Variants in AKAP13 observed in about 807,000 individuals in gnomAD.
AKAP13 encodes A-kinase anchoring protein 13, also known as A-kinase anchor protein 13.
Under a neutral mutation model 264.5 loss-of-function variants are expected in AKAP13, and 80 were observed. That is an observed-to-expected ratio of 0.30 (90% confidence interval 0.25 to 0.36). AKAP13 has a LOEUF of 0.36. Ranked by LOEUF, AKAP13 falls within the 10% of genes least tolerant of loss-of-function variation. The probability of loss-of-function intolerance (pLI) is 1.00; values close to 1 mark genes in which losing one functional copy is unlikely to be tolerated. For synonymous variants in AKAP13, 1,380 were observed against 1,250.2 expected, an observed-to-expected ratio of 1.10 and a Z score of -2.19; for missense variants, 3,712 against 3,435.2, an observed-to-expected ratio of 1.08 and a Z score of -2.01.
At chr15:85,414,127 G>T (rs766383157) in intron 1 of AKAP13, among the ~76,000 whole-genome samples, 3 of 152,086 alleles carry the variant, frequency 2.0e-5, no homozygotes, top group Non-Finnish European at 4.4e-5. Context: ...ATTTTTCTCC[G>T]ATGTTCATAC....
intron 3 of AKAP13, among the ~76,000 whole-genome samples, chr15:85,528,155 G>A (rs1449913375): frequency 6.6e-6 from 1 of 152,162 alleles, no homozygotes; most frequent in Non-Finnish European, 1.5e-5. Context: ...CATGGGTGCG[G>A]TGCTCCATAT....
chr15:85,655,443 T>G lies in AKAP13; in HGVS notation c.4401T>G (p.Asp1467Glu). Residue 1467 changes from aspartate to glutamate, a missense_variant, in exon 11 of 37, where the codon GAT (aspartate) becomes GAG (glutamate). Asp to Glu is a conservative substitution (Grantham distance 45). Transcript: ENST00000394518. ...PKPEEEHLAC[D>E]ITGSSSSTDD... ...CAGAGGAAGAGCATTTGGCCTGTGATATCACCGGATCCAGTTCATCCACCG... is the reference window on the plus strand; with the variant it reads ...CAGAGGAAGAGCATTTGGCCTGTGAGATCACCGGATCCAGTTCATCCACCG... 1.9e-6 allele frequency: 3 copies of G among 1,614,084 alleles called. No individual in the cohort carries two copies. The highest frequency in any genetic ancestry group is 2.5e-6 in the Non-Finnish European group (3 of 1,179,952).
intron 5 of AKAP13, 141 bp downstream of exon 5, chr15:85,544,096 G>T (rs1467151478): frequency 9.9e-7 from 1 of 1,013,816 alleles, no homozygotes; most frequent in Admixed American, 2.0e-5. Flanking sequence ...TCTGCTGGAG[G>T]TTTGTAAGCT....
At chr15:85,429,465 A>G (rs1470509392) in intron 1 of AKAP13, among the ~76,000 whole-genome samples, 2 of 152,222 alleles carry the variant, frequency 1.3e-5, no homozygotes, top group Non-Finnish European at 2.9e-5. Context: ...GTATTAGTTG[A>G]ATATCTACTA....
At chr15:85,562,992 G>T (rs1281391071) in intron 5 of AKAP13, among the ~76,000 whole-genome samples, 1 of 151,502 alleles carries the variant, frequency 6.6e-6, no homozygotes, top group Non-Finnish European at 1.5e-5. Flanking sequence ...GGGATTACAC[G>T]TGTGAGCCAC....
rs78909664 is a variant in AKAP13 at position 85,429,838 on chromosome 15, T to A, written c.-12+49040T>A. 6.4e-3 allele frequency among the ~76,000 whole-genome samples: 971 copies of A among 152,344 alleles called. 10 individuals carry two copies. Among genetic ancestry groups the A allele is most frequent in the African/African-American group, 0.022 (920 of 41,580 alleles). ...ATTTATGCTATCAAGGATAATCTTT[T>A]ATTTCTTTAGTTCTCCAAAGCATGT... On this transcript the variant is annotated intron_variant, in intron 1 of 36. Transcript: ENST00000394518.
chr15:85,390,348 C>CCT (rs1263834851), intron 1 of AKAP13, among the ~76,000 whole-genome samples: 3 of 151,970 alleles, frequency 2.0e-5, no homozygotes, highest in Non-Finnish European at 4.4e-5. Context: ...TTTGAACAGA[C>CCT]CTGAAGAAAG....
At chr15:85,593,937 G>C (rs1434501022) in intron 8 of AKAP13, among the ~76,000 whole-genome samples, 1 of 152,150 alleles carries the variant, frequency 6.6e-6, no homozygotes, top group Non-Finnish European at 1.5e-5. Context: ...TTTAGAGGCT[G>C]TTTCCTCATT....
intron 9 of AKAP13, among the ~76,000 whole-genome samples, chr15:85,644,635 G>A (rs376017554): frequency 7.2e-4 from 104 of 144,976 alleles, no homozygotes; most frequent in African/African-American, 2.6e-3. Flanking sequence ...GGATCACATG[G>A]TCAGGAGATG....
intron 17 of AKAP13, among the ~76,000 whole-genome samples, chr15:85,694,038 C>A (rs1177146548): frequency 6.6e-6 from 1 of 152,200 alleles, no homozygotes; most frequent in Admixed American, 6.5e-5. Flanking sequence ...GTTCTATGAT[C>A]TCTAAACCAC....
At chr15:85,643,495 T>C (rs2082406229) in intron 9 of AKAP13, among the ~76,000 whole-genome samples, 1 of 152,220 alleles carries the variant, frequency 6.6e-6, no homozygotes, top group Admixed American at 6.5e-5. Context: ...CTTCCCACTT[T>C]CAACACACAG....
intron 1 of AKAP13, among the ~76,000 whole-genome samples, chr15:85,385,267 A>G (rs982265212): frequency 5.3e-5 from 8 of 152,246 alleles, no homozygotes; most frequent in East Asian, 1.9e-4. Flanking sequence ...AACTTTCTCT[A>G]TTTGTCTCCC....
intron 8 of AKAP13, among the ~76,000 whole-genome samples, chr15:85,633,158 G>C (rs962935522): frequency 6.6e-6 from 1 of 151,978 alleles, no homozygotes; most frequent in Admixed American, 6.6e-5. Context: ...GTGCCACCGC[G>C]CCCGGCAGAA....
intron 1 of AKAP13, among the ~76,000 whole-genome samples, chr15:85,460,327 A>G (rs2074458943): frequency 6.6e-6 from 1 of 152,204 alleles, no homozygotes; most frequent in Non-Finnish European, 1.5e-5. Context: ...CTCCCTGGAA[A>G]GTACACAGCC....
intron 2 of AKAP13, among the ~76,000 whole-genome samples, chr15:85,492,212 G>C (rs2075750967): frequency 6.6e-6 from 1 of 152,078 alleles, no homozygotes. Flanking sequence ...AGATTTAATG[G>C]GTTTTATTTG....
intron 1 of AKAP13, among the ~76,000 whole-genome samples, chr15:85,434,201 A>G (rs1243832226): frequency 3.9e-5 from 6 of 152,098 alleles, no homozygotes; most frequent in Non-Finnish European, 7.4e-5. Context: ...AGTCAAAGAA[A>G]GGGGTGACGG....
intron 5 of AKAP13, among the ~76,000 whole-genome samples, chr15:85,564,691 C>T (rs532919980): frequency 6.6e-6 from 1 of 152,268 alleles, no homozygotes; most frequent in South Asian, 2.1e-4. Flanking sequence ...GAATTACTTC[C>T]TTAGATTATC....
At position 85,588,542 on chromosome 15, in the gene AKAP13, C is replaced by G. The variant is rs148838612; in HGVS notation, c.4161+2719C>G. 3.6e-4 allele frequency among the ~76,000 whole-genome samples: 55 copies of G among 152,284 alleles called. No homozygotes were observed. The East Asian group carries it at 8.5e-3, about 23-fold the overall frequency. ...CCAGGCTGGTACTTGGCTCTAGACC[C>G]TTTGCTTTCTGATGAGGGATATCTC... On this transcript the variant is annotated intron_variant, in intron 8 of 36. Transcript: ENST00000394518.
At chr15:85,639,160 T>C (rs1002794275) in intron 8 of AKAP13, among the ~76,000 whole-genome samples, 1 of 152,234 alleles carries the variant, frequency 6.6e-6, no homozygotes, top group Non-Finnish European at 1.5e-5. Flanking sequence ...TGCTTTTGTA[T>C]GCCTAATTTT....
Sources: allele counts gnomAD v4.1 joint callset (sites outside exome capture counted in the v4.1 genomes callset), GRCh38; gene constraint gnomAD v4.1.1; transcripts MANE v1.5; gene names NCBI Gene and HGNC (gene_info 2026-07-23, HGNC 2026-07-21).